The following RELN variants were observed in gnomAD, a reference collection of about 807,000 sequenced individuals.
The protein encoded by RELN is reelin.
RELN carries 108 observed loss-of-function variants against 427.6 expected under a neutral mutation model. The ratio of observed to expected loss-of-function variants is 0.25; its 90% confidence interval spans 0.22 to 0.30. The LOEUF is 0.30. RELN is among the 10% of genes least tolerant of loss of function. The pLI is 1.00. For missense variants in RELN, 3,715 were observed against 4,302.8 expected (o/e 0.86, Z 3.82); for synonymous variants, 1,524 against 1,513.4 (o/e 1.01, Z -0.16).
Position 103,522,247 on chromosome 7 carries a change from C to T in RELN, c.7491-48G>A, listed in dbSNP as rs764256998. On this transcript the variant is annotated intron_variant, in intron 47 of 64. Transcript: ENST00000428762. ...GAAAAGTCAACATCAGACAAAGCCC[C>T]TGCAAGCTTGTTCTCAAATTAGTGA... is the stretch of plus-strand genomic sequence containing the variant. 19 of 1,585,072 alleles carry T rather than the reference C, an allele frequency of 1.2e-5. No individual in the cohort carries two copies. The South Asian group carries it at 2.1e-4, about 18-fold the overall frequency.
intron 46 of RELN, among the ~76,000 whole-genome samples, chr7:103,529,207 C>T (rs1829887973): frequency 6.6e-6 from 1 of 152,086 alleles, no homozygotes; most frequent in Non-Finnish European, 1.5e-5. Flanking sequence ...TCTCTTTCCC[C>T]CATTCCTTTC....
intron 16 of RELN, among the ~76,000 whole-genome samples, chr7:103,644,604 G>A (rs1832760429): frequency 6.6e-6 from 1 of 151,298 alleles, no homozygotes; most frequent in Non-Finnish European, 1.5e-5. Flanking sequence ...TTTTAAAAAT[G>A]AACAAAGACT....
intron 28 of RELN, among the ~76,000 whole-genome samples, chr7:103,588,534 C>T (rs1178904658): frequency 6.6e-6 from 1 of 152,060 alleles, no homozygotes; most frequent in Non-Finnish European, 1.5e-5. Context: ...GATGGACACC[C>T]TAAATATCCT....
At chr7:103,641,268 T>A (rs1296652624) in intron 16 of RELN, among the ~76,000 whole-genome samples, 1 of 152,196 alleles carries the variant, frequency 6.6e-6, no homozygotes, top group East Asian at 1.9e-4. Context: ...CAATAAAACC[T>A]CATGTGTTCC....
intron 2 of RELN, among the ~76,000 whole-genome samples, chr7:103,837,755 C>T (rs986881039): frequency 1.3e-5 from 2 of 152,188 alleles, no homozygotes; most frequent in African/African-American, 4.8e-5. Flanking sequence ...CAGAGCAGTT[C>T]ATACATCCCT....
intron 24 of RELN, among the ~76,000 whole-genome samples, chr7:103,597,945 A>G (rs994315258): frequency 3.3e-5 from 5 of 152,200 alleles, no homozygotes; most frequent in African/African-American, 1.2e-4. Flanking sequence ...AAGCTCATCC[A>G]TGGATTTCTC....
At chr7:103,749,541 C>CTGTTGTAGTATATTTCTT in intron 5 of RELN, 37 bp from the exon 6 acceptor site, 3 of 1,412,464 alleles carry the variant, frequency 2.1e-6, no homozygotes, top group South Asian at 1.1e-5. Flanking sequence ...AAGAAATATA[C>CTGTTGTAGTATATTTCTT]TACAACAGTA....
chr7:103,765,994 A>G (rs1406945520), intron 4 of RELN, among the ~76,000 whole-genome samples: 1 of 152,226 alleles, frequency 6.6e-6, no homozygotes, highest in Non-Finnish European at 1.5e-5. Context: ...AAGAAATTTT[A>G]CTATGGTCAT....
intron 1 of RELN, among the ~76,000 whole-genome samples, chr7:103,982,127 C>T (rs1404915567): frequency 1.3e-5 from 2 of 152,098 alleles, no homozygotes; most frequent in Non-Finnish European, 2.9e-5. Context: ...AAAGGTGTCA[C>T]TGCACTCCAG....
chr7:103,855,695 G>A (rs959046887), intron 2 of RELN, among the ~76,000 whole-genome samples: 12 of 152,096 alleles, frequency 7.9e-5, no homozygotes, highest in Non-Finnish European at 1.8e-4. Context: ...GTGTCAACAG[G>A]GTTAGCTCTT....
chr7:103,683,283 T>C (rs1327846562), intron 10 of RELN, among the ~76,000 whole-genome samples: 4 of 152,184 alleles, frequency 2.6e-5, no homozygotes, highest in African/African-American at 9.7e-5. Flanking sequence ...TTCCAGGTCT[T>C]AGCACAGTGC....
intron 57 of RELN, among the ~76,000 whole-genome samples, chr7:103,493,426 C>G (rs1482379314): frequency 1.3e-5 from 2 of 152,112 alleles, no homozygotes; most frequent in Non-Finnish European, 2.9e-5. Flanking sequence ...ATTAAGTGCA[C>G]CGTTAGACAC....
At chr7:103,847,445 C>T (rs39392) in intron 2 of RELN, among the ~76,000 whole-genome samples, 80,146 of 151,924 alleles carry the variant, frequency 0.53, 21,418 homozygotes, top group African/African-American at 0.59. Flanking sequence ...AGGGATAGCA[C>T]TAGGAGAAAT....
chr7:103,671,767 T>C (rs1833398239), intron 11 of RELN, among the ~76,000 whole-genome samples: 1 of 152,190 alleles, frequency 6.6e-6, no homozygotes, highest in African/African-American at 2.4e-5. Context: ...TTTATCTACC[T>C]GTAGGTCTTT....
At chr7:103,677,903 C>T (rs1386984730) in intron 11 of RELN, among the ~76,000 whole-genome samples, 2 of 151,186 alleles carry the variant, frequency 1.3e-5, no homozygotes, top group East Asian at 2.0e-4. Context: ...TTTGTAGTGT[C>T]TTCATTCAAC....
intron 2 of RELN, among the ~76,000 whole-genome samples, chr7:103,863,113 G>A (rs1196737978): frequency 2.0e-5 from 3 of 152,020 alleles, no homozygotes; most frequent in Admixed American, 6.6e-5. Context: ...AGACTGAAAC[G>A]AATAAGCAAC....
intron 11 of RELN, among the ~76,000 whole-genome samples, chr7:103,664,398 T>G (rs113874141): frequency 6.6e-6 from 1 of 152,208 alleles, no homozygotes; most frequent in Non-Finnish European, 1.5e-5. Context: ...TTGCTTTTTC[T>G]CCTTTGTCTC....
At chr7:103,651,385 A>G (rs537620484) in intron 15 of RELN, among the ~76,000 whole-genome samples, 1 of 152,210 alleles carries the variant, frequency 6.6e-6, no homozygotes, top group Admixed American at 6.5e-5. Flanking sequence ...TAGCGTGGCA[A>G]TAACCACAGA....
At chr7:103,924,879 A>C (rs1795691450) in intron 1 of RELN, among the ~76,000 whole-genome samples, 1 of 151,920 alleles carries the variant, frequency 6.6e-6, no homozygotes. Flanking sequence ...TGGTGAATAT[A>C]AATCTCTCCT....
Sources: gnomAD v4.1 joint callset for allele counts (sites outside exome capture counted in the v4.1 genomes callset) on GRCh38, gnomAD v4.1.1 for gene constraint, MANE v1.5 for transcripts, NCBI Gene and HGNC (gene_info 2026-07-23, HGNC 2026-07-21) for gene names.